RNF150: variants seen among roughly 807,000 people sequenced by gnomAD.
RNF150 encodes the protein ring finger protein 150.
Under a neutral mutation model 39.3 loss-of-function variants are expected in RNF150, and 24 were observed. The ratio of observed to expected loss-of-function variants is 0.61; its 90% CI spans 0.44 to 0.86. The LOEUF (loss-of-function observed/expected upper bound fraction) is 0.86, where lower values mean the gene tolerates loss of function less well. Ranked by LOEUF, RNF150 falls within the 40% of genes least tolerant of loss-of-function variation. The pLI is 0.00. For missense variants in RNF150, 502 were observed against 587.8 expected (o/e 0.85, Z 1.51); for synonymous variants, 255 against 227.3 (o/e 1.12, Z -1.10).
At chr4:141,125,469 ATCTC>A (rs1726723827) in intron 1 of RNF150, among the ~76,000 whole-genome samples, 1 of 152,210 alleles carries the variant, frequency 6.6e-6, no homozygotes, top group Non-Finnish European at 1.5e-5. Context: ...CATCACTTCA[ATCTC>A]TCAGCAACAA....
At chr4:141,052,751 G>A (rs1488607997) in intron 1 of RNF150, among the ~76,000 whole-genome samples, 1 of 152,188 alleles carries the variant, frequency 6.6e-6, no homozygotes, top group African/African-American at 2.4e-5. Flanking sequence ...GCTGGGAGGA[G>A]TGCATTTCCC....
At chr4:140,947,924 G>A (rs1294605982) in intron 3 of RNF150, among the ~76,000 whole-genome samples, 188 bp from the exon 4 acceptor site, 2 of 152,124 alleles carry the variant, frequency 1.3e-5, no homozygotes, top group Non-Finnish European at 2.9e-5. Context: ...CTTGTTTCTA[G>A]GTTCCACTGC....
intron 1 of RNF150, among the ~76,000 whole-genome samples, chr4:141,079,113 G>C (rs966075238): frequency 6.6e-6 from 1 of 152,032 alleles, no homozygotes; most frequent in East Asian, 1.9e-4. Context: ...GACAATGCAT[G>C]AAGAGATATG....
intron 1 of RNF150, among the ~76,000 whole-genome samples, chr4:141,158,861 T>C (rs570474530): frequency 6.6e-6 from 1 of 152,162 alleles, no homozygotes; most frequent in African/African-American, 2.4e-5. Context: ...ATCCTTCCAA[T>C]TTATTCACAG....
intron 1 of RNF150, among the ~76,000 whole-genome samples, chr4:141,104,150 G>T (rs1435521827): frequency 1.3e-5 from 2 of 152,058 alleles, no homozygotes; most frequent in African/African-American, 4.8e-5. Context: ...CGCCTCATTG[G>T]CTCACCCCAA....
At chr4:141,066,682 A>G (rs551761954) in intron 1 of RNF150, among the ~76,000 whole-genome samples, 1 of 152,340 alleles carries the variant, frequency 6.6e-6, no homozygotes, top group East Asian at 1.9e-4. Context: ...AAGATACACA[A>G]AAGCACAAAA....
At chr4:141,180,558 T>C (rs1336042234) in intron 1 of RNF150, among the ~76,000 whole-genome samples, 1 of 152,138 alleles carries the variant, frequency 6.6e-6, no homozygotes, top group East Asian at 1.9e-4. Flanking sequence ...TGCTTAGTCT[T>C]TTGTAATCTC....
At chr4:140,924,633 G>C (rs1022391336) in intron 5 of RNF150, among the ~76,000 whole-genome samples, 42 of 152,234 alleles carry the variant, frequency 2.8e-4, no homozygotes, top group African/African-American at 9.9e-4. Context: ...ACAGAAATGT[G>C]AACAGTACAA....
At chr4:140,935,717 A>G (rs541433886) in intron 4 of RNF150, among the ~76,000 whole-genome samples, 1 of 152,216 alleles carries the variant, frequency 6.6e-6, no homozygotes, top group Non-Finnish European at 1.5e-5. Context: ...AATTTTTACT[A>G]ATGTGTAGAG....
At chr4:141,095,294 C>T (rs913850912) in intron 1 of RNF150, among the ~76,000 whole-genome samples, 1 of 152,248 alleles carries the variant, frequency 6.6e-6, no homozygotes, top group Admixed American at 6.5e-5. Flanking sequence ...CATGAGGGTC[C>T]ACTGAGTTCT....
intron 1 of RNF150, among the ~76,000 whole-genome samples, chr4:141,055,837 G>C (rs1478959375): frequency 6.6e-6 from 1 of 152,180 alleles, no homozygotes; most frequent in Non-Finnish European, 1.5e-5. Context: ...CAGCTATACA[G>C]GAATCATGCT....
Position 141,040,301 on chromosome 4 carries a change from C to T in RNF150, c.485-72428G>A, listed in dbSNP as rs914302036. Among the ~76,000 whole-genome samples, 3 of 152,084 alleles carry T rather than the reference C, an allele frequency of 2.0e-5. No individual in the cohort carries two copies. The South Asian group carries it at 6.2e-4, about 32-fold the overall frequency. On this transcript the variant is annotated intron_variant, in intron 1 of 6. Transcript: ENST00000515673. ...ATCTCAGAATAGGTATTTTCTAACA[C>T]TGCAATCATGAAATACACACATAAA...
At chr4:140,967,912 G>A in intron 1 of RNF150, 39 bp from the exon 2 acceptor site, 1 of 1,595,666 alleles carries the variant, frequency 6.3e-7, no homozygotes. Flanking sequence ...TAAAGGTTAG[G>A]GGATAAGATA....
At chr4:141,082,738 G>A (rs1047650921) in intron 1 of RNF150, among the ~76,000 whole-genome samples, 1 of 151,732 alleles carries the variant, frequency 6.6e-6, no homozygotes, top group African/African-American at 2.4e-5. Flanking sequence ...ACAGGCGCCC[G>A]CCACTACGCC....
At chr4:140,885,171 T>A (rs2111213534) in intron 6 of RNF150, among the ~76,000 whole-genome samples, 1 of 151,520 alleles carries the variant, frequency 6.6e-6, no homozygotes, top group African/African-American at 2.4e-5. Context: ...ACAAGAGTTT[T>A]AGTTTCTCTA....
At chr4:140,989,961 T>A (rs1434884135) in intron 1 of RNF150, among the ~76,000 whole-genome samples, 1 of 152,138 alleles carries the variant, frequency 6.6e-6, no homozygotes, top group South Asian at 2.1e-4. Context: ...CTTACCTGCA[T>A]AAAAAGACTG....
intron 6 of RNF150, among the ~76,000 whole-genome samples, chr4:140,910,443 T>A (rs1730548668): frequency 6.6e-6 from 1 of 152,214 alleles, no homozygotes; most frequent in Non-Finnish European, 1.5e-5. Flanking sequence ...ATCTTGATGC[T>A]AATACACATA....
At chr4:141,163,143 TTGA>T in intron 1 of RNF150, among the ~76,000 whole-genome samples, 1 of 152,278 alleles carries the variant, frequency 6.6e-6, no homozygotes, top group South Asian at 2.1e-4. Flanking sequence ...TTACTAAGGC[TTGA>T]GTAGGCGGTT....
At chr4:140,878,444 AT>A (rs1560944536) in intron 6 of RNF150, among the ~76,000 whole-genome samples, 2 of 152,140 alleles carry the variant, frequency 1.3e-5, no homozygotes, top group African/African-American at 2.4e-5. Flanking sequence ...AAGTGCTGGG[AT>A]TACAGGCGTA....
Sources: gnomAD v4.1 joint callset for allele counts (sites outside exome capture counted in the v4.1 genomes callset) on GRCh38, gnomAD v4.1.1 for gene constraint, MANE v1.5 for transcripts, NCBI Gene and HGNC (gene_info 2026-07-23, HGNC 2026-07-21) for gene names.